The following SPATA31C1 variants were observed in gnomAD, a reference collection of about 807,000 sequenced individuals.
SPATA31C1 encodes SPATA31 subfamily C member 1, also known as spermatogenesis-associated protein 31C1.
chr9:87,915,872 T>C (rs2117969244), intron 1 of SPATA31C1, among the ~76,000 whole-genome samples: 1 of 145,696 alleles, frequency 6.9e-6, no homozygotes, highest in Admixed American at 6.8e-5. Flanking sequence ...TTTATTCTTC[T>C]ATTTCAGACT....
At chr9:87,920,356 C>A in exon 5 of SPATA31C1, 1 of 1,613,978 alleles carries the variant, frequency 6.2e-7, no homozygotes, top group Non-Finnish European at 8.5e-7. Flanking sequence ...TCCCGGTCCT[C>A]TCATGAGCCT....
exon 5 of SPATA31C1, chr9:87,920,535 C>A (rs749120544): frequency 3.7e-6 from 6 of 1,613,870 alleles, no homozygotes; most frequent in Non-Finnish European, 5.1e-6. Context: ...ACGCCCCTCA[C>A]CCGAGCCACC....
exon 5 of SPATA31C1, chr9:87,921,919 TC>T: frequency 6.2e-7 from 1 of 1,611,996 alleles, no homozygotes; most frequent in African/African-American, 1.3e-5. Context: ...CCCCTCAGGG[TC>T]CTCAAGCCCA....
chr9:87,923,622 ATT>A (rs1446388273), downstream of SPATA31C1: 1 of 656,956 alleles, frequency 1.5e-6, no homozygotes, highest in Non-Finnish European at 2.5e-6. Flanking sequence ...CACGCAGAAC[ATT>A]TAATATTCCA....
At position 87,921,230 on chromosome 9, in the gene SPATA31C1, G is replaced by A. The variant is rs752724091; in HGVS notation, n.1620G>A. 9 of 1,611,824 alleles carry A rather than the reference G, an allele frequency of 5.6e-6. No individual in the cohort carries two copies. The East Asian group carries it at 1.1e-4, about 20-fold the overall frequency. On this transcript the variant is annotated non_coding_transcript_exon_variant, in exon 5 of 5. Transcript: ENST00000420021. Reference sequence around the variant, plus strand: ...CTCCTAACCTTCCCCAGGAAAGACTGACATCCATTCTGCCTGAGAACTTTC... The same window carrying A: ...CTCCTAACCTTCCCCAGGAAAGACTAACATCCATTCTGCCTGAGAACTTTC...
chr9:87,922,753 G>C (rs1390002296), exon 5 of SPATA31C1: 1 of 1,606,554 alleles, frequency 6.2e-7, no homozygotes, highest in Non-Finnish European at 8.5e-7. Flanking sequence ...CAAGGCTCAT[G>C]CAAGAGCCAA....
At chr9:87,915,600 T>C (rs2117968213) in intron 1 of SPATA31C1, among the ~76,000 whole-genome samples, 1 of 145,570 alleles carries the variant, frequency 6.9e-6, no homozygotes, top group African/African-American at 2.5e-5. Flanking sequence ...CGCGCCCGGC[T>C]GATCCTTTTT....
At chr9:87,920,827 C>T (rs375859739) in exon 5 of SPATA31C1, 37 of 1,613,816 alleles carry the variant, frequency 2.3e-5, no homozygotes, top group African/African-American at 1.3e-4. Context: ...ATCTTCAACT[C>T]GTCAGTCCAG....
exon 5 of SPATA31C1, chr9:87,920,312 A>G: frequency 6.2e-7 from 1 of 1,613,982 alleles, no homozygotes; most frequent in Non-Finnish European, 8.5e-7. Context: ...CAGACCCGCC[A>G]GGTGAGGTGG....
At chr9:87,922,080 G>T in exon 5 of SPATA31C1, 1 of 1,614,002 alleles carries the variant, frequency 6.2e-7, no homozygotes, top group Non-Finnish European at 8.5e-7. Context: ...GAGAAAGCAA[G>T]TGCTGACCAA....
At chr9:87,923,647 T>C (rs1828944717), downstream of SPATA31C1, 1 of 646,966 alleles carries the variant, frequency 1.5e-6, no homozygotes, top group East Asian at 3.1e-5. Flanking sequence ...ATATATACGG[T>C]TTTTTATTCA....
rs1243987033 is a variant in SPATA31C1 at position 87,922,968 on chromosome 9, C to G, written n.3358C>G. Reference sequence around the variant, plus strand: ...AAGCCACTTTGGAGAAAACATCAAGCAATTTTTTGAGACGATTTTTTCAAA... The same window carrying G: ...AAGCCACTTTGGAGAAAACATCAAGGAATTTTTTGAGACGATTTTTTCAAA... On this transcript the variant is annotated non_coding_transcript_exon_variant, in exon 5 of 5. Coordinates refer to ENST00000420021, the Ensembl canonical transcript of SPATA31C1. 2.4e-6 allele frequency: 3 copies of G among 1,235,574 alleles called. 1 individual carries two copies. The highest frequency in any genetic ancestry group is 3.3e-6 in the Non-Finnish European group (3 of 897,252). 76.5% of individuals were successfully genotyped at this position (1,235,574 alleles called of 1,614,324 possible).
intron 2 of SPATA31C1, chr9:87,918,945 G>C (rs573422613): frequency 8.2e-6 from 3 of 365,494 alleles, no homozygotes; most frequent in Admixed American, 3.7e-5. Flanking sequence ...GCTAATTTTC[G>C]TATTTTTAGT....
chr9:87,921,548 G>C, exon 5 of SPATA31C1: 1 of 1,612,004 alleles, frequency 6.2e-7, no homozygotes, highest in Non-Finnish European at 8.5e-7. Flanking sequence ...AGGTTCTGGG[G>C]GCGACCTCTG....
chr9:87,920,684 G>C (rs1186892783), exon 5 of SPATA31C1: 10 of 1,613,840 alleles, frequency 6.2e-6, no homozygotes, highest in Admixed American at 1.7e-5. Flanking sequence ...CACTTCCACT[G>C]GACACCGTCC....
At position 87,920,837 on chromosome 9, in the gene SPATA31C1, G is replaced by C. The variant is rs183946394; in HGVS notation, n.1227G>C. The C allele has an allele frequency of 1.1e-4, 179 of 1,613,758 alleles. 1 individual carries two copies. In the East Asian group the frequency reaches 3.6e-3, roughly 33 times the overall value. ...GGTGCATCTTCAACTCGTCAGTCCA[G>C]CAAGATCATCTTTCCCGCCAAAGGG... On this transcript the variant is annotated non_coding_transcript_exon_variant, in exon 5 of 5. Coordinates refer to ENST00000420021, the Ensembl canonical transcript of SPATA31C1.
In SPATA31C1 at chr9:87,921,797, T is replaced by C. The variant is rs612348; in HGVS notation, n.2187T>C. 6.9e-4 allele frequency: 1,117 copies of C among 1,611,434 alleles called. 6 individuals carry two copies. Among genetic ancestry groups the C allele is most frequent in the African/African-American group, 6.7e-4 (50 of 74,972 alleles). ...CCAGCAATCTAGCAGCCCCGAAAAG[T>C]AGGAAAGCCTGTGTAAACACAGCCC... On this transcript the variant is annotated non_coding_transcript_exon_variant, in exon 5 of 5. Coordinates refer to ENST00000420021, the Ensembl canonical transcript of SPATA31C1.
At chr9:87,915,956 A>C (rs1828706333) in intron 1 of SPATA31C1, among the ~76,000 whole-genome samples, 1 of 143,124 alleles carries the variant, frequency 7.0e-6, no homozygotes, top group Admixed American at 7.0e-5. Flanking sequence ...AACGTTATTC[A>C]GAGGGATTAT....
intron 2 of SPATA31C1, chr9:87,918,952 T>C (rs958685879): frequency 8.1e-6 from 3 of 371,908 alleles, no homozygotes; most frequent in African/African-American, 6.4e-5. Context: ...TTCGTATTTT[T>C]AGTAGAGATG....
Sources: allele counts gnomAD v4.1 joint callset (sites outside exome capture counted in the v4.1 genomes callset), GRCh38; gene constraint gnomAD v4.1.1; transcripts MANE v1.5; gene names NCBI Gene and HGNC (gene_info 2026-07-23, HGNC 2026-07-21).